Variants in MTIF2 observed in about 807,000 individuals in gnomAD.
MTIF2 encodes translation initiation factor IF-2, mitochondrial.
Under a neutral mutation model 83.5 loss-of-function variants are expected in MTIF2, and 71 were observed. The ratio of observed to expected loss-of-function variants is 0.85; its 90% CI spans 0.70 to 1.04. The LOEUF is 1.04. MTIF2 is among the 50% of genes least tolerant of loss of function. The pLI is 0.00. For missense variants in MTIF2, 957 were observed against 846.5 expected, an observed-to-expected ratio of 1.13 and a Z score of -1.62; for synonymous variants, 319 against 287.1, an observed-to-expected ratio of 1.11 and a Z score of -1.12.
chr2:55,244,631 T>C (rs961533505), intron 10 of MTIF2, among the ~76,000 whole-genome samples: 2 of 152,142 alleles, frequency 1.3e-5, no homozygotes, highest in Non-Finnish European at 2.9e-5. Flanking sequence ...AAGAAGGAAA[T>C]TGGCCAGGTG....
At chr2:55,262,943 A>G (rs1277858542) in intron 4 of MTIF2, among the ~76,000 whole-genome samples, 1 of 152,112 alleles carries the variant, frequency 6.6e-6, no homozygotes, top group Non-Finnish European at 1.5e-5. Context: ...TGGCCAGGCT[A>G]GTCTTGAACT....
chr2:55,262,224 T>A lies in MTIF2; in HGVS notation c.331+92A>T, dbSNP rs1678057709. 3.4e-6 allele frequency: 3 copies of A among 872,374 alleles called. No homozygotes were observed. The South Asian group carries it at 4.2e-5, about 12-fold the overall frequency. 54.0% of individuals were successfully genotyped at this position (872,374 alleles called of 1,614,324 possible). A position where few individuals can be genotyped will look rare whatever the true frequency, so the allele number is the denominator to read the frequency against. The stretch of plus-strand genomic sequence containing the variant: ...TATATTTTTTAAGTGCCAGTCTAGT[T>A]TTTAATCTTTCAATGCCTTAATCTC... On this transcript the variant is annotated intron_variant, in intron 5 of 15. Transcript: ENST00000263629.
Position 55,254,508 on chromosome 2 carries a change from C to T in MTIF2, c.503+146G>A, listed in dbSNP as rs111774052. 2.2e-5 allele frequency: 16 copies of T among 718,300 alleles called. 1 individual carries two copies. Among genetic ancestry groups the T allele is most frequent in the African/African-American group, 2.0e-4 (11 of 54,638 alleles). The allele number at this position is 718,300 out of a possible 1,614,324, so 44.5% of individuals were successfully genotyped here. On this transcript the variant is annotated intron_variant, in intron 6 of 15. Coordinates refer to ENST00000263629, the MANE Select transcript of MTIF2 (RefSeq NM_002453.3). ...TATAATAACTTGAATGTATAATACA[C>T]TTTCTAATGCTTTAAGTACTTCGAA...
chr2:55,263,980 A>C, intron 3 of MTIF2, 115 bp from the exon 4 acceptor site: 1 of 769,140 alleles, frequency 1.3e-6, no homozygotes, highest in Non-Finnish European at 2.1e-6. Context: ...ACTTACAACA[A>C]TGAGTAAAAC....
At chr2:55,244,327 T>C in intron 10 of MTIF2, 94 bp from the exon 11 acceptor site, 1 of 911,318 alleles carries the variant, frequency 1.1e-6, no homozygotes, top group Non-Finnish European at 1.7e-6. Flanking sequence ...TAAACATGTG[T>C]ATACACAAGA....
At chr2:55,251,539 G>C (rs1191925624) in intron 8 of MTIF2, among the ~76,000 whole-genome samples, 1 of 152,158 alleles carries the variant, frequency 6.6e-6, no homozygotes, top group Non-Finnish European at 1.5e-5. Context: ...AGTAAATCTG[G>C]GGGTAATATG....
At position 55,243,489 on chromosome 2, in the gene MTIF2, T is replaced by G. The variant is rs1237890572; in HGVS notation, c.1491A>C (p.Arg497Ser). Residue 497 changes from arginine (R) to serine (S), a missense_variant, in exon 12 of 16, where the codon AGA becomes AGC. Coordinates refer to ENST00000263629, the MANE Select transcript of MTIF2 (RefSeq NM_002453.3). ...KKRSILRFLE[R>S]KEQIPLKPKE... is the part of the protein sequence containing the mutation. Reference sequence around the variant, plus strand: ...TTGGCTTTAAGGGTATTTGTTCTTTTCTTTCTAAAAACCGTAGAATTGATC... The same window carrying G: ...TTGGCTTTAAGGGTATTTGTTCTTTGCTTTCTAAAAACCGTAGAATTGATC... 3 of 1,614,010 alleles carry G rather than the reference T, an allele frequency of 1.9e-6. No homozygotes were observed. Among genetic ancestry groups the G allele is most frequent in the Non-Finnish European group, 2.5e-6 (3 of 1,179,990 alleles).
In MTIF2 at chr2:55,246,411, C is replaced by G. The variant is rs1194586184; in HGVS notation, c.1032G>C (p.Met344Ile). 1 of 1,613,902 alleles carries G rather than the reference C, an allele frequency of 6.2e-7. No homozygotes were observed. Among genetic ancestry groups the G allele is most frequent in the South Asian group, 1.1e-5 (1 of 91,078 alleles). ...LAEATVALAE[M>I]LELKADPNGP... ...CATTGGGATCTGCTTTCAATTCTAA[C>G]ATTTCTGCAAGAGCAACTGTTGCTT... is the stretch of plus-strand genomic sequence containing the variant. Residue 344 changes from methionine (M) to isoleucine (I), a missense_variant, in exon 10 of 16, where the codon ATG becomes ATC. By Grantham distance (10) the Met-to-Ile change is conservative (BLOSUM62 1). Coordinates refer to ENST00000263629, the MANE Select transcript of MTIF2 (RefSeq NM_002453.3).
Position 55,238,687 on chromosome 2 carries a change from G to A in MTIF2, c.1871-1259C>T, listed in dbSNP as rs372452936. Among the ~76,000 whole-genome samples, 11 of 152,202 alleles carry A rather than the reference G, an allele frequency of 7.2e-5. No individual in the cohort carries two copies. The East Asian group carries it at 9.7e-4, about 13-fold the overall frequency. On this transcript the variant is annotated intron_variant, in intron 14 of 15. Transcript: ENST00000263629. ...ATTACAGGCATGAGCCACCATGCCCGGCCGAGTCTGTTTTTTTTCACTGAC... is the reference window on the plus strand; with the variant it reads ...ATTACAGGCATGAGCCACCATGCCCAGCCGAGTCTGTTTTTTTTCACTGAC...
At chr2:55,239,932 C>A in intron 14 of MTIF2, 79 bp downstream of exon 14, 2 of 1,269,528 alleles carry the variant, frequency 1.6e-6, no homozygotes, top group Admixed American at 2.5e-5. Flanking sequence ...GAAAACGTTT[C>A]CTCTAAGCTT....
At chr2:55,247,907 T>C (rs1196831385) in intron 9 of MTIF2, among the ~76,000 whole-genome samples, 2 of 152,170 alleles carry the variant, frequency 1.3e-5, no homozygotes, top group Non-Finnish European at 2.9e-5. Flanking sequence ...AATTTTTTTT[T>C]TTAGACAAGG....
At chr2:55,239,259 T>C (rs1020092859) in intron 14 of MTIF2, among the ~76,000 whole-genome samples, 2 of 150,924 alleles carry the variant, frequency 1.3e-5, no homozygotes, top group African/African-American at 5.0e-5. Context: ...TGTAGTTTTA[T>C]AAGATAGTAT....
At position 55,263,709 on chromosome 2, in the gene MTIF2, G is replaced by A; in HGVS notation, c.150C>T (p.Ala50=). The A allele has an allele frequency of 6.2e-7, 1 of 1,614,126 alleles. No homozygotes were observed. Among genetic ancestry groups the A allele is most frequent in the African/African-American group, 1.3e-5 (1 of 75,040 alleles). Residue 50 remains alanine (A), a synonymous_variant, in exon 4 of 16, where the codon GCC becomes GCT. Coordinates refer to ENST00000263629, the MANE Select transcript of MTIF2 (RefSeq NM_002453.3). ...AYPVWTAQLC[A]WPWPTDVLTG... is the part of the protein sequence containing the mutation. ...TGAGCACATCTGTTGGCCAGGGCCAGGCACACAGTTGAGCTGTCCACACAG... is the reference window on the plus strand; with the variant it reads ...TGAGCACATCTGTTGGCCAGGGCCAAGCACACAGTTGAGCTGTCCACACAG...
intron 5 of MTIF2, among the ~76,000 whole-genome samples, chr2:55,261,561 C>T (rs1460291344): frequency 1.3e-5 from 2 of 151,686 alleles, no homozygotes; most frequent in Non-Finnish European, 2.9e-5. Context: ...GAGCCGAGAT[C>T]GTGCCACTGC....
chr2:55,252,831 G>A (rs1230149435), intron 7 of MTIF2, among the ~76,000 whole-genome samples, 178 bp from the exon 8 acceptor site: 1 of 152,182 alleles, frequency 6.6e-6, no homozygotes, highest in African/African-American at 2.4e-5. Context: ...TAAAATGCCA[G>A]TGAGATTCTT....
At position 55,240,009 on chromosome 2, in the gene MTIF2, A is replaced by G; in HGVS notation, c.1870+2T>C. 1 of 1,601,788 alleles carries G rather than the reference A, an allele frequency of 6.2e-7. No individual in the cohort carries two copies. Among genetic ancestry groups the G allele is most frequent in the Non-Finnish European group, 8.5e-7 (1 of 1,172,294 alleles). On this transcript the variant is annotated splice_donor_variant, in intron 14 of 15. Transcript: ENST00000263629. LOFTEE classifies it high-confidence loss of function. ...TAAAAGTAACATTCAGTGATCACTC[A>G]CCTACTGGGTGCTCTTCCACAGCAC...
intron 5 of MTIF2, among the ~76,000 whole-genome samples, chr2:55,261,904 A>G (rs1304382121): frequency 6.7e-6 from 1 of 149,266 alleles, no homozygotes; most frequent in Non-Finnish European, 1.5e-5. Context: ...ATGCCACTAT[A>G]CTGGACAAAG....
intron 5 of MTIF2, among the ~76,000 whole-genome samples, chr2:55,257,973 G>C (rs377679609): frequency 6.6e-6 from 1 of 152,218 alleles, no homozygotes; most frequent in East Asian, 1.9e-4. Context: ...TATTTCTTTT[G>C]TAAAGACAAG....
chr2:55,251,601 C>T (rs189059413), intron 8 of MTIF2, among the ~76,000 whole-genome samples: 5 of 152,192 alleles, frequency 3.3e-5, no homozygotes, highest in Non-Finnish European at 7.4e-5. Flanking sequence ...ACAGTCATTT[C>T]AGAATAAAAA....
Sources: gnomAD v4.1 joint callset for allele counts (sites outside exome capture counted in the v4.1 genomes callset) on GRCh38, gnomAD v4.1.1 for gene constraint, MANE v1.5 for transcripts, NCBI Gene and HGNC (gene_info 2026-07-23, HGNC 2026-07-21) for gene names.